The following SYNE2 variants were observed in gnomAD, a reference collection of about 807,000 sequenced individuals.
SYNE2 encodes the protein nesprin-2.
In SYNE2, 431 loss-of-function variants were observed where a neutral mutation model predicts 856.3. The ratio of observed to expected loss-of-function variants is 0.50; its 90% CI spans 0.47 to 0.55. The LOEUF is 0.55. Among genes scored for constraint, SYNE2 ranks in the 20% least tolerant of loss-of-function variants. SYNE2 has a pLI of 0.00. For synonymous variants in SYNE2, 2,923 were observed against 2,872.3 expected (o/e 1.02, Z -0.56); for missense variants, 8,129 against 8,023.2 (o/e 1.01, Z -0.50).
chr14:64,013,467 C>T (rs1251689427), intron 32 of SYNE2, among the ~76,000 whole-genome samples: 1 of 152,074 alleles, frequency 6.6e-6, no homozygotes, highest in Non-Finnish European at 1.5e-5. Flanking sequence ...ATTTTCAGCC[C>T]TCACCCCACT....
chr14:63,814,723 TATATATATCCATATATATATCC>T (rs1566583804), intron 1 of SYNE2, among the ~76,000 whole-genome samples: 1 of 82,020 alleles, frequency 1.2e-5, no homozygotes, highest in African/African-American at 4.4e-5. Context: ...TATATATCCA[TATATATATCCATATATATATCC>T]ATATATATCC....
upstream of SYNE2, among the ~76,000 whole-genome samples, chr14:63,850,474 T>C (rs1595172217): frequency 6.6e-6 from 1 of 152,060 alleles, no homozygotes; most frequent in East Asian, 1.9e-4. Context: ...ACCCTTACTG[T>C]TTCCTAGTCA....
chr14:64,166,920 G>A, intron 90 of SYNE2: 1 of 367,214 alleles, frequency 2.7e-6, no homozygotes, highest in Non-Finnish European at 5.2e-6. Flanking sequence ...GCGACAGAAT[G>A]AGACTCCATT....
intron 1 of SYNE2, among the ~76,000 whole-genome samples, chr14:63,859,981 C>CTTCCTTCT (rs1893097633): frequency 6.9e-6 from 1 of 144,546 alleles, no homozygotes; most frequent in African/African-American, 2.6e-5. Flanking sequence ...CCCTTCCTCC[C>CTTCCTTCT]TTCCTTCCTT....
At chr14:63,946,924 A>G (rs546520645) in intron 6 of SYNE2, among the ~76,000 whole-genome samples, 75 of 151,952 alleles carry the variant, frequency 4.9e-4, no homozygotes, top group Non-Finnish European at 1.0e-3. Context: ...ATCTTGACTC[A>G]CTGCAATGTC....
At chr14:64,198,077 A>G (rs1302506129) in intron 99 of SYNE2, among the ~76,000 whole-genome samples, 1 of 152,218 alleles carries the variant, frequency 6.6e-6, no homozygotes, top group East Asian at 1.9e-4. Flanking sequence ...TCTGATTCTC[A>G]TAACTGGAAT....
Position 63,961,594 on chromosome 14 carries a change from A to G in SYNE2, c.857A>G (p.Lys286Arg). ...TYVAQFLQYS[K>R]DAPGTGEEAQ... is the part of the protein sequence containing the mutation. ...GTGGCACAGTTTCTGCAGTATTCCA[A>G]AGATGCCCCTGGGACTGGAGAGGAG... Residue 286 changes from lysine (K) to arginine (R), a missense_variant, in exon 9 of 116, where the codon AAA becomes AGA. Lys to Arg is a conservative substitution (Grantham distance 26). This residue lies in a region of SYNE2 where 2,422 missense variants were observed against 2,357.4 expected (regional missense o/e 1.03). Transcript: ENST00000555002. 2 of 1,614,084 alleles carry G rather than the reference A, an allele frequency of 1.2e-6. No homozygotes were observed. Among genetic ancestry groups the G allele is most frequent in the South Asian group, 1.1e-5 (1 of 91,078 alleles).
intron 83 of SYNE2, among the ~76,000 whole-genome samples, chr14:64,144,568 C>G (rs955272945): frequency 6.6e-6 from 1 of 152,036 alleles, no homozygotes; most frequent in African/African-American, 2.4e-5. Flanking sequence ...ATATCATTAG[C>G]AGATACTCAA....
At chr14:63,829,031 G>A (rs934113903) in intron 1 of SYNE2, among the ~76,000 whole-genome samples, 4 of 152,096 alleles carry the variant, frequency 2.6e-5, no homozygotes, top group Admixed American at 6.6e-5. Context: ...AATAAAAAAA[G>A]ACCAACAATA....
At chr14:64,073,392 A>G (rs2097428655) in intron 52 of SYNE2, among the ~76,000 whole-genome samples, 2 of 152,168 alleles carry the variant, frequency 1.3e-5, no homozygotes, top group Admixed American at 1.3e-4. Flanking sequence ...AAGTATTAGA[A>G]CAAAAGACTC....
At chr14:63,886,286 G>A (rs1399768643) in intron 1 of SYNE2, among the ~76,000 whole-genome samples, 1 of 152,156 alleles carries the variant, frequency 6.6e-6, no homozygotes, top group East Asian at 1.9e-4. Flanking sequence ...GAAGATGTGT[G>A]CTTAGGTAAT....
At position 63,977,957 on chromosome 14, in the gene SYNE2, A is replaced by C. The variant is rs754431108; in HGVS notation, c.1346A>C (p.Asn449Thr). The stretch of plus-strand genomic sequence containing the variant: ...TCGAACATTCTCCTTACCTTTGAAA[A>C]TAAGGATGAAAATCACTTGCCATTG... ...HHSNILLTFE[N>T]KDENHLPLVP... Residue 449 changes from asparagine to threonine, a missense_variant, in exon 13 of 116, where the codon AAT becomes ACT. Physicochemically the swap from Asn to Thr is moderately conservative, Grantham distance 65. This residue lies in a region of SYNE2 where 2,422 missense variants were observed against 2,357.4 expected (regional missense o/e 1.03). Transcript: ENST00000555002. 1 of 1,613,936 alleles carries C rather than the reference A, an allele frequency of 6.2e-7. No individual in the cohort carries two copies. The highest frequency in any genetic ancestry group is 1.3e-5 in the African/African-American group (1 of 74,940).
intron 39 of SYNE2, 123 bp downstream of exon 39, chr14:64,024,582 C>T: frequency 1.1e-6 from 1 of 950,380 alleles, no homozygotes. Context: ...AAAAGGCGTA[C>T]TTTTCAATCC....
chr14:63,827,895 G>A (rs1371813625), intron 1 of SYNE2, among the ~76,000 whole-genome samples: 1 of 151,608 alleles, frequency 6.6e-6, no homozygotes, highest in Non-Finnish European at 1.5e-5. Context: ...ATTAACAGCA[G>A]ATTGAAAATA....
intron 95 of SYNE2, among the ~76,000 whole-genome samples, chr14:64,175,989 A>T (rs1450605467): frequency 6.6e-6 from 1 of 152,226 alleles, no homozygotes; most frequent in African/African-American, 2.4e-5. Flanking sequence ...TAACAGTTTG[A>T]AGAACTCATG....
Position 63,954,823 on chromosome 14 carries a change from G to A in SYNE2, c.695G>A (p.Ser232Asn). Residue 232 changes from serine to asparagine, a missense_variant, in exon 8 of 116, where the codon AGT becomes AAT. By Grantham distance (46) the Ser-to-Asn change is conservative (BLOSUM62 1). Around this residue, in one of 3 missense-constraint regions of SYNE2, gnomAD observed 2,422 missense variants for 2,357.4 expected, o/e 1.03. Coordinates refer to ENST00000555002, the MANE Select transcript of SYNE2 (RefSeq NM_182914.3). Reference protein sequence around the residue: ...ALRPDLIDMKSVKHRSNKDNL... With the variant: ...ALRPDLIDMKNVKHRSNKDNL... ...CGACCAGACCTAATTGACATGAAGA[G>A]TGTGAAGCATAGATCCAACAAAGAC... 6.2e-7 allele frequency: 1 copy of A among 1,614,048 alleles called. No homozygotes were observed. The highest frequency in any genetic ancestry group is 2.2e-5 in the East Asian group (1 of 44,868).
Position 63,974,892 on chromosome 14 carries a change from G to GTGTATATATATATA in SYNE2, c.1129-1670_1129-1669insGTATATATATATAT, listed in dbSNP as rs1375697679. ...TGTGTGTGTGTGTGTGTGTGTGTGTGTATATATATATATATATATATATAT... is the reference window on the plus strand; with the variant it reads ...TGTGTGTGTGTGTGTGTGTGTGTGTGTGTATATATATATATATATATATATATATATATATATAT... On this transcript the variant is annotated intron_variant, in intron 11 of 115. Coordinates refer to ENST00000555002, the MANE Select transcript of SYNE2 (RefSeq NM_182914.3). 1.0e-3 allele frequency among the ~76,000 whole-genome samples: 69 copies of GTGTATATATATATA among 67,280 alleles called. 2 individuals carry two copies. Among genetic ancestry groups the GTGTATATATATATA allele is most frequent in the Non-Finnish European group, 1.2e-3 (38 of 32,194 alleles). 44.1% of individuals were successfully genotyped at this position (67,280 alleles called of 152,430 possible). A position where few individuals can be genotyped will look rare whatever the true frequency, so the allele number is the denominator to read the frequency against.
chr14:64,225,050 C>G lies in SYNE2; in HGVS notation c.20516+5C>G. 6.2e-7 allele frequency: 1 copy of G among 1,613,794 alleles called. No individual in the cohort carries two copies. Among genetic ancestry groups the G allele is most frequent in the Non-Finnish European group, 8.5e-7 (1 of 1,179,864 alleles). On this transcript the variant is annotated splice_donor_5th_base_variant and intron_variant, in intron 115 of 115. Transcript: ENST00000555002. ...CGAGGAGGAGACAGAGAGCAGGTAA[C>G]GGGGCTTTACCGTGACAGCAGTGCG... is the stretch of plus-strand genomic sequence containing the variant.
chr14:63,882,756 G>A (rs932169170), intron 1 of SYNE2, among the ~76,000 whole-genome samples: 1 of 152,062 alleles, frequency 6.6e-6, no homozygotes, highest in Admixed American at 6.6e-5. Flanking sequence ...TTGTGGAAAG[G>A]TTACTTATCT....
Sources: gnomAD v4.1 joint callset for allele counts (sites outside exome capture counted in the v4.1 genomes callset) on GRCh38, gnomAD v4.1.1 for gene constraint, gnomAD v4.1.1 regional missense constraint, MANE v1.5 for transcripts, NCBI Gene and HGNC (gene_info 2026-07-23, HGNC 2026-07-21) for gene names.